Variants in DHX58 observed in about 807,000 individuals in gnomAD.
The protein encoded by DHX58 is DExH-box helicase 58.
Under a neutral mutation model 65.0 loss-of-function variants are expected in DHX58, and 51 were observed. The observed-to-expected ratio is 0.78, with a 90% CI of 0.63 to 0.99. DHX58 has a LOEUF of 0.99. DHX58 is among the 50% of genes least tolerant of loss of function. DHX58 has a pLI of 0.00. For missense variants in DHX58, 773 were observed against 891.8 expected, an observed-to-expected ratio of 0.87 and a Z score of 1.70; for synonymous variants, 350 against 365.0, an observed-to-expected ratio of 0.96 and a Z score of 0.47.
chr17:42,103,861 A>G, intron 11 of DHX58, 63 bp from the exon 12 acceptor site: 1 of 1,518,382 alleles, frequency 6.6e-7, no homozygotes. Flanking sequence ...GGGGGACAAA[A>G]GGTTCCCAAA....
At chr17:42,107,367 T>TAA (rs1555662926) in intron 8 of DHX58, among the ~76,000 whole-genome samples, 6,920 of 139,986 alleles carry the variant, frequency 0.049, 178 homozygotes, top group Non-Finnish European at 0.059. Context: ...CCCCGACTAT[T>TAA]AAAAAAAAAA....
rs548228819 is a variant in DHX58, at chr17:42,106,112, T to C, written c.998-123A>G. On this transcript the variant is annotated intron_variant, in intron 8 of 13. Coordinates refer to ENST00000251642, the MANE Select transcript of DHX58 (RefSeq NM_024119.3). Reference sequence around the variant, plus strand: ...AGGTCAAGGCTGAAGAGAGCTATGATTGCACCACTGCACTCCAGGCTGTGT... The same window carrying C: ...AGGTCAAGGCTGAAGAGAGCTATGACTGCACCACTGCACTCCAGGCTGTGT... The C allele has an allele frequency of 9.1e-5, 87 of 956,964 alleles. No individual in the cohort carries two copies. The African/African-American group carries it at 1.4e-3, about 15-fold the overall frequency. 59.3% of individuals were successfully genotyped at this position (956,964 alleles called of 1,614,324 possible).
chr17:42,111,725 C>G lies in DHX58; in HGVS notation c.168G>C (p.Arg56Ser), dbSNP rs782181393. 1 of 1,608,250 alleles carries G rather than the reference C, an allele frequency of 6.2e-7. No individual in the cohort carries two copies. The stretch of plus-strand genomic sequence containing the variant: ...AGCGGGGTAGGGACAGACCACTCAC[C>G]CTGTTGACCAATACAACCACCTTGG... ...DGAKVVVLVN[R>S]VHLVTQHGEE... The change falls in exon 3 of 14, where the codon AGG becomes AGC. Residue 56 changes from arginine (R) to serine (S), a missense_variant and splice_region_variant. Transcript: ENST00000251642.
chr17:42,109,632 A>C (rs902660018), intron 5 of DHX58, among the ~76,000 whole-genome samples: 24 of 152,172 alleles, frequency 1.6e-4, no homozygotes, highest in Non-Finnish European at 3.2e-4. Flanking sequence ...ATGGTGGCTC[A>C]CACCTGTAAT....
rs942299584 is a variant in DHX58 at position 42,104,699 on chromosome 17, G to C, written c.1563+67C>G. ...ACAGGGGGACGTATGTGTGCAGTCA[G>C]AAACCTGCCAGGGAGGGGCTCCCTC... On this transcript the variant is annotated intron_variant, in intron 11 of 13. Transcript: ENST00000251642. 28 of 1,585,584 alleles carry C rather than the reference G, an allele frequency of 1.8e-5. No individual in the cohort carries two copies. In the African/African-American group the frequency reaches 3.2e-4, roughly 18 times the overall value.
At chr17:42,112,315 G>A in intron 1 of DHX58, 110 bp from the exon 2 acceptor site, 1 of 185,582 alleles carries the variant, frequency 5.4e-6, no homozygotes. Flanking sequence ...CAACTGCCGT[G>A]AGTACAAACT....
rs781794432 is a variant in DHX58 at position 42,107,768 on chromosome 17, C to T, written c.833G>A (p.Arg278Gln). Reference protein sequence around the residue: ...AAALAGLQEQRVYALHLRRYN... With the variant: ...AAALAGLQEQQVYALHLRRYN... ...GCGCCTCAGGTGAAGCGCATACACC[C>T]GTTGCTCCTGAAGCCCAGCCAAAGC... The change falls in exon 8 of 14, where the codon CGG becomes CAG. Residue 278 changes from arginine (R) to glutamine (Q), a missense_variant. Arg to Gln is a conservative substitution (Grantham distance 43). Coordinates refer to ENST00000251642, the MANE Select transcript of DHX58 (RefSeq NM_024119.3). 6.3e-7 allele frequency: 1 copy of T among 1,589,954 alleles called. No homozygotes were observed. The highest frequency in any genetic ancestry group is 1.1e-5 in the South Asian group (1 of 88,178).
intron 8 of DHX58, among the ~76,000 whole-genome samples, chr17:42,106,464 C>T (rs2143996353): frequency 6.6e-6 from 1 of 151,672 alleles, no homozygotes; most frequent in South Asian, 2.1e-4. Flanking sequence ...AAGGATGGAA[C>T]TCCTGCTCAA....
At chr17:42,104,104 T>A (rs1280439676) in intron 11 of DHX58, among the ~76,000 whole-genome samples, 1 of 151,564 alleles carries the variant, frequency 6.6e-6, no homozygotes, top group African/African-American at 2.4e-5. Context: ...ATGCCTGTAA[T>A]CCCAGCTACT....
chr17:42,108,041 A>C lies in DHX58; in HGVS notation c.746T>G (p.Leu249Trp), dbSNP rs782582597. The change falls in exon 7 of 14, where the codon TTG (leucine) becomes TGG (tryptophan). Residue 249 changes from leucine to tryptophan, a missense_variant. Transcript: ENST00000251642. ...CATTTGCGTCCCAAATTTCCGGCTC[A>C]ACTCAGGCATCTCCAGGTGGTCATG... Reference protein sequence around the residue: ...QIHDHLEMPELSRKFGTQMYE... With the variant: ...QIHDHLEMPEWSRKFGTQMYE... 1.9e-6 allele frequency: 3 copies of C among 1,614,118 alleles called. No homozygotes were observed. The highest frequency in any genetic ancestry group is 2.5e-6 in the Non-Finnish European group (3 of 1,180,056).
At position 42,101,853 on chromosome 17, in the gene DHX58, C is replaced by T; in HGVS notation, c.1945G>A (p.Ala649Thr). Residue 649 changes from alanine (A) to threonine (T), a missense_variant, in exon 14 of 14, where the codon GCC becomes ACC. Ala to Thr is a moderately conservative substitution (Grantham distance 58, BLOSUM62 0). Transcript: ENST00000251642. The part of the protein sequence containing the change: ...LLETPQGRIQ[A>T]KKWSRVPFSV... Reference sequence around the variant, plus strand: ...AAGGGCACGCGGGACCACTTTTTGGCCTGGATCCGCCCCTGAGGGGTCTCC... The same window carrying T: ...AAGGGCACGCGGGACCACTTTTTGGTCTGGATCCGCCCCTGAGGGGTCTCC... The T allele has an allele frequency of 6.2e-7, 1 of 1,614,214 alleles. No homozygotes were observed. Among genetic ancestry groups the T allele is most frequent in the Non-Finnish European group, 8.5e-7 (1 of 1,180,044 alleles).
In DHX58 at chr17:42,105,173, G is replaced by A; in HGVS notation, c.1252-6C>T. Reference sequence around the variant, plus strand: ...ATCACTTCTTGCTGGTCCCTCTGCAGGCGGAGGGCAGGGAGGAGAAAGAGG... The same window carrying A: ...ATCACTTCTTGCTGGTCCCTCTGCAAGCGGAGGGCAGGGAGGAGAAAGAGG... On this transcript the variant is annotated splice_polypyrimidine_tract_variant and splice_region_variant and intron_variant, in intron 9 of 13. Coordinates refer to ENST00000251642, the MANE Select transcript of DHX58 (RefSeq NM_024119.3). The A allele has an allele frequency of 6.2e-7, 1 of 1,606,592 alleles. No homozygotes were observed. Among genetic ancestry groups the A allele is most frequent in the Non-Finnish European group, 8.5e-7 (1 of 1,175,896 alleles).
intron 8 of DHX58, 23 bp from the exon 9 acceptor site, chr17:42,106,012 G>A (rs1555662601): frequency 6.2e-7 from 1 of 1,601,066 alleles, no homozygotes; most frequent in East Asian, 2.2e-5. Context: ...CCAAAATTTA[G>A]CTGGGTGTAG....
Position 42,107,716 on chromosome 17 carries a change from G to A in DHX58, c.885C>T (p.Asp295=), listed in dbSNP as rs782502859. ...CCAAGGCATCCACGGCGCGGACGGT[G>A]TCATGGATGAGCAGCGCGTCATTGT... The part of the protein sequence containing the change: ...RRYNDALLIH[D]TVRAVDALAA... Residue 295 remains aspartate, a synonymous_variant, in exon 8 of 14, where the codon GAC becomes GAT. Transcript: ENST00000251642. 5 of 1,610,448 alleles carry A rather than the reference G, an allele frequency of 3.1e-6. No individual in the cohort carries two copies. The South Asian group carries it at 4.4e-5, about 14-fold the overall frequency.
rs147487906 is a variant in DHX58, at chr17:42,107,653, A to G, written c.948T>C (p.Thr316=). 8.3e-5 allele frequency: 128 copies of G among 1,544,234 alleles called. No individual in the cohort carries two copies. Among genetic ancestry groups the G allele is most frequent in the Non-Finnish European group, 1.1e-4 (126 of 1,137,496 alleles). The change falls in exon 8 of 14, where the codon ACT becomes ACC. Residue 316 remains threonine (T), a synonymous_variant. Transcript: ENST00000251642. ...GCTCGGCACACAGGATCTGGGTTTT[A>G]GTGACGTGCTCCCTGTGATAGAAAT... ...LQDFYHREHV[T]KTQILCAERR...
Position 42,105,094 on chromosome 17 carries a change from T to G in DHX58, c.1325A>C (p.Glu442Ala). Reference sequence around the variant, plus strand: ...GCAATGTGGGATGTCCAGCCCCTCCTCCGCCACACTCGTGGCCACCAGAAG... The same window carrying G: ...GCAATGTGGGATGTCCAGCCCCTCCGCCGCCACACTCGTGGCCACCAGAAG... ...LNLLVATSVA[E>A]EGLDIPHCNV... The change falls in exon 10 of 14, where the codon GAG becomes GCG. Residue 442 changes from glutamate to alanine, a missense_variant. Transcript: ENST00000251642. 1.2e-6 allele frequency: 2 copies of G among 1,613,898 alleles called. No homozygotes were observed. The highest frequency in any genetic ancestry group is 1.7e-6 in the Non-Finnish European group (2 of 1,179,964).
Position 42,108,063 on chromosome 17 carries a change from C to A in DHX58, c.724G>T (p.Asp242Tyr), listed in dbSNP as rs1286341590. 1.9e-6 allele frequency: 3 copies of A among 1,614,128 alleles called. No individual in the cohort carries two copies. Among genetic ancestry groups the A allele is most frequent in the African/African-American group, 2.7e-5 (2 of 74,950 alleles). ...CTCAACTCAGGCATCTCCAGGTGGTCATGGATTTGGTCCATGAGCTTCTTC... is the reference window on the plus strand; with the variant it reads ...CTCAACTCAGGCATCTCCAGGTGGTAATGGATTTGGTCCATGAGCTTCTTC... ...LLKKLMDQIH[D>Y]HLEMPELSRK... is the part of the protein sequence containing the mutation. Residue 242 changes from aspartate (D) to tyrosine (Y), a missense_variant, in exon 7 of 14, where the codon GAC becomes TAC. Coordinates refer to ENST00000251642, the MANE Select transcript of DHX58 (RefSeq NM_024119.3).
In DHX58 at chr17:42,107,667, T is replaced by C. The variant is rs782133349; in HGVS notation, c.934A>G (p.Arg312Gly). The C allele has an allele frequency of 1.2e-6, 2 of 1,603,350 alleles. No homozygotes were observed. Among genetic ancestry groups the C allele is most frequent in the South Asian group, 1.1e-5 (1 of 90,654 alleles). ...ALAALQDFYH[R>G]EHVTKTQILC... ...ATCTGGGTTTTAGTGACGTGCTCCC[T>C]GTGATAGAAATCCTGCAGCGCAGCC... Residue 312 changes from arginine to glycine, a missense_variant, in exon 8 of 14, where the codon AGG becomes GGG. Coordinates refer to ENST00000251642, the MANE Select transcript of DHX58 (RefSeq NM_024119.3).
rs537454136 is a variant in DHX58, at chr17:42,107,885, G to A, written c.806-90C>T. The stretch of plus-strand genomic sequence containing the variant: ...CCGTCCCACTCGACTCCACCCCTGG[G>A]GTGGATAGGCCCCGCCCCAAAGGCC... On this transcript the variant is annotated intron_variant, in intron 7 of 13. Transcript: ENST00000251642. 25 of 1,573,544 alleles carry A rather than the reference G, an allele frequency of 1.6e-5. No individual in the cohort carries two copies. The East Asian group carries it at 3.8e-4, about 24-fold the overall frequency.
Sources: allele counts gnomAD v4.1 joint callset (sites outside exome capture counted in the v4.1 genomes callset), GRCh38; gene constraint gnomAD v4.1.1; transcripts MANE v1.5; gene names NCBI Gene and HGNC (gene_info 2026-07-23, HGNC 2026-07-21).